Variants in NOX5 observed in about 807,000 individuals in gnomAD.
The protein encoded by NOX5 is NADPH oxidase 5, also known as NADPH oxidase, EF-hand calcium binding domain 5.
Under a neutral mutation model 85.7 loss-of-function variants are expected in NOX5, and 76 were observed. The observed-to-expected ratio is 0.89, with a 90% confidence interval of 0.74 to 1.07. The LOEUF is 1.07. Among genes scored for constraint, NOX5 ranks in the 50% least tolerant of loss-of-function variants. The pLI is 0.00. For missense variants in NOX5, 973 were observed against 999.5 expected (o/e 0.97, Z 0.36); for synonymous variants, 405 against 401.4 (o/e 1.01, Z -0.11).
chr15:69,047,562 T>A, intron 12 of NOX5, 25 bp downstream of exon 12: 1 of 1,605,826 alleles, frequency 6.2e-7, no homozygotes, highest in Non-Finnish European at 8.5e-7. Flanking sequence ...TGCTCCTGCC[T>A]GCATCCTGGG....
chr15:69,029,165 C>T (rs2050397787), intron 3 of NOX5: 1 of 152,168 alleles, frequency 6.6e-6, no homozygotes, highest in African/African-American at 2.4e-5. Flanking sequence ...CTCCCCTAGT[C>T]CCTGGCAACC....
intron 14 of NOX5, 51 bp from the exon 15 acceptor site, chr15:69,055,282 GC>G: frequency 6.3e-7 from 1 of 1,576,628 alleles, no homozygotes; most frequent in Non-Finnish European, 8.7e-7. Flanking sequence ...CCTGCCCTGC[GC>G]CCATGATGGG....
intron 3 of NOX5, chr15:69,030,985 G>T (rs1417834882): frequency 6.5e-6 from 1 of 153,384 alleles, no homozygotes; most frequent in Non-Finnish European, 1.5e-5. Context: ...GGGCTCTGCT[G>T]CTCAGGAAGA....
Position 69,031,813 on chromosome 15 carries a change from G to T in NOX5, c.620+1G>T, listed in dbSNP as rs1390162839. ...GAGTCATGGAGAACCTGACCATCAGGTACGGCCGGGTCTCGGGCATTGGCA... is the reference window on the plus strand; with the variant it reads ...GAGTCATGGAGAACCTGACCATCAGTTACGGCCGGGTCTCGGGCATTGGCA... On this transcript the variant is annotated splice_donor_variant, in intron 4 of 15. Coordinates refer to ENST00000388866, the MANE Select transcript of NOX5 (RefSeq NM_024505.4). LOFTEE classifies it high-confidence loss of function. 6.3e-7 allele frequency: 1 copy of T among 1,592,434 alleles called. No individual in the cohort carries two copies. The highest frequency in any genetic ancestry group is 2.3e-5 in the East Asian group (1 of 44,278).
intron 3 of NOX5, chr15:69,030,744 A>C (rs1324176517): frequency 6.6e-6 from 1 of 152,212 alleles, no homozygotes; most frequent in African/African-American, 2.4e-5. Flanking sequence ...ATTTCCATGT[A>C]TATGCAATTT....
At chr15:69,055,952 C>T (rs1045102446) in intron 15 of NOX5, among the ~76,000 whole-genome samples, 18 of 152,056 alleles carry the variant, frequency 1.2e-4, no homozygotes, top group African/African-American at 3.4e-4. Context: ...TCAGGGTTTG[C>T]GGTTTGCAGG....
intron 15 of NOX5, 144 bp from the exon 16 acceptor site, chr15:69,056,421 C>G: frequency 2.9e-6 from 3 of 1,028,974 alleles, no homozygotes; most frequent in Non-Finnish European, 4.3e-6. Context: ...AACCCAGCAG[C>G]TGTGCCATGC....
chr15:69,023,084 T>G, intron 1 of NOX5: 1 of 431,188 alleles, frequency 2.3e-6, no homozygotes, highest in East Asian at 7.1e-5. Context: ...AGTTCAATAA[T>G]AACCCTGCAG....
chr15:69,051,435 C>G (rs1410506058), intron 14 of NOX5, among the ~76,000 whole-genome samples: 1 of 151,946 alleles, frequency 6.6e-6, no homozygotes, highest in Non-Finnish European at 1.5e-5. Context: ...ATCACCCAGG[C>G]TGGAGTGCAG....
Position 69,035,429 on chromosome 15 carries a change from A to C in NOX5, c.931A>C (p.Ile311Leu). The change falls in exon 6 of 16, where the codon ATC becomes CTC. Residue 311 changes from isoleucine (I) to leucine (L), a missense_variant. Coordinates refer to ENST00000388866, the MANE Select transcript of NOX5 (RefSeq NM_024505.4). ...LAQVLPLDQN[I>L]QFHQLMGYVV... ...TCAAGTCCTACCACTGGACCAGAAC[A>C]TCCAGTTCCACCAGCTTATGGGCTA... is the stretch of plus-strand genomic sequence containing the variant. 1 of 1,614,164 alleles carries C rather than the reference A, an allele frequency of 6.2e-7. No individual in the cohort carries two copies. Among genetic ancestry groups the C allele is most frequent in the Non-Finnish European group, 8.5e-7 (1 of 1,179,996 alleles).
chr15:69,024,344 A>C (rs1329291422), intron 1 of NOX5, among the ~76,000 whole-genome samples: 1 of 152,178 alleles, frequency 6.6e-6, no homozygotes, highest in East Asian at 1.9e-4. Flanking sequence ...AACCAAGGTC[A>C]AAAATACCCA....
At chr15:69,056,469 A>T in intron 15 of NOX5, 96 bp from the exon 16 acceptor site, 3 of 1,499,370 alleles carry the variant, frequency 2.0e-6, no homozygotes, top group Non-Finnish European at 2.7e-6. Flanking sequence ...ATTGCTGCCG[A>T]CCCGTTATGC....
chr15:69,049,102 G>A (rs894629438), intron 14 of NOX5, 44 bp downstream of exon 14: 1 of 1,281,930 alleles, frequency 7.8e-7, no homozygotes. Context: ...GTAGGGCAGG[G>A]GCCTTCAGCT....
chr15:69,019,153 A>G (rs1031943052), intron 1 of NOX5, among the ~76,000 whole-genome samples: 1 of 151,926 alleles, frequency 6.6e-6, no homozygotes, highest in African/African-American at 2.4e-5. Flanking sequence ...ATGAGCCACC[A>G]CCCCCGGCCT....
chr15:69,052,624 A>G (rs1298006839), intron 14 of NOX5, among the ~76,000 whole-genome samples: 2 of 152,246 alleles, frequency 1.3e-5, no homozygotes, highest in African/African-American at 2.4e-5. Flanking sequence ...TGATAAACAC[A>G]GTTTATACAT....
chr15:69,015,791 G>A (rs2050224663), intron 1 of NOX5, among the ~76,000 whole-genome samples: 2 of 152,086 alleles, frequency 1.3e-5, no homozygotes, highest in African/African-American at 4.8e-5. Flanking sequence ...AGGTGTGAAT[G>A]TCTTTGGGGG....
At chr15:69,021,698 T>G (rs1396555133) in intron 1 of NOX5, among the ~76,000 whole-genome samples, 1 of 152,232 alleles carries the variant, frequency 6.6e-6, no homozygotes, top group Non-Finnish European at 1.5e-5. Flanking sequence ...TTCTCTTAAA[T>G]CCACCAAACA....
At chr15:69,014,825 A>G in intron 1 of NOX5, 40 bp downstream of exon 1, 1 of 1,416,024 alleles carries the variant, frequency 7.1e-7, no homozygotes, top group Non-Finnish European at 9.8e-7. Flanking sequence ...GCCAGGGACA[A>G]GGGAAAGGTG....
At chr15:69,047,597 G>A in intron 12 of NOX5, 60 bp downstream of exon 12, 1 of 1,569,510 alleles carries the variant, frequency 6.4e-7, no homozygotes, top group South Asian at 1.2e-5. Context: ...CGCCCTCCCT[G>A]CTCCTCCTCC....
Sources: gnomAD v4.1 joint callset for allele counts (sites outside exome capture counted in the v4.1 genomes callset) on GRCh38, gnomAD v4.1.1 for gene constraint, MANE v1.5 for transcripts, NCBI Gene and HGNC (gene_info 2026-07-23, HGNC 2026-07-21) for gene names.